KRT222: variants seen among roughly 807,000 people sequenced by gnomAD.
KRT222 encodes the protein keratin-like protein KRT222.
Under a neutral mutation model 35.0 loss-of-function variants are expected in KRT222, and 23 were observed. That is an observed-to-expected ratio of 0.66 (90% CI 0.47 to 0.93). KRT222 has a LOEUF of 0.93. Ranked by LOEUF, KRT222 falls within the 40% of genes least tolerant of loss-of-function variation. KRT222 has a pLI of 0.00. For missense variants in KRT222, 339 were observed against 346.3 expected (o/e 0.98, Z 0.17); for synonymous variants, 108 against 118.8 (o/e 0.91, Z 0.59).
intron 3 of KRT222, among the ~76,000 whole-genome samples, chr17:40,658,856 A>G (rs2037361967): frequency 1.3e-5 from 2 of 152,240 alleles, no homozygotes; most frequent in Non-Finnish European, 2.9e-5. Context: ...ATTATGATGT[A>G]TGAATTAACA....
Position 40,657,189 on chromosome 17 carries a change from C to T in KRT222, c.659+163G>A, listed in dbSNP as rs571257102. On this transcript the variant is annotated intron_variant, in intron 5 of 5. Transcript: ENST00000394052. ...ATCGCGCCACTGCACTCCACCCTGG[C>T]GACAGAGCAAGACTCAATCTCAAAA... is the stretch of plus-strand genomic sequence containing the variant. The T allele has an allele frequency of 1.3e-3, 559 of 441,136 alleles. 3 individuals are homozygous for T. Among genetic ancestry groups the T allele is most frequent in the African/African-American group, 0.012 (504 of 43,408 alleles). The allele number at this position is 441,136 out of a possible 1,614,324, so 27.3% of individuals were successfully genotyped here.
rs776697148 is a variant in KRT222 at position 40,659,281 on chromosome 17, G to A, written c.446+706C>T. 3.4e-4 allele frequency among the ~76,000 whole-genome samples: 52 copies of A among 151,266 alleles called. 1 individual carries two copies. The highest frequency in any genetic ancestry group is 6.9e-4 in the Non-Finnish European group (47 of 67,780). ...GGCGAGTCTCCTGTCTCAGCCTCCC[G>A]AGTAGCTGGGATTACAGGCATGCAC... On this transcript the variant is annotated intron_variant, in intron 3 of 5. Transcript: ENST00000394052.
In KRT222 at chr17:40,664,091, T is replaced by A. The variant is rs1017015769; in HGVS notation, c.96+913A>T. 7.6e-4 allele frequency among the ~76,000 whole-genome samples: 116 copies of A among 151,924 alleles called. 1 individual carries two copies. Among genetic ancestry groups the A allele is most frequent in the Non-Finnish European group, 1.1e-3 (78 of 67,900 alleles). ...ACATTTTTCTACCAATTTTTTTTTT[T>A]AAAATTTTGGGTGATATTCTTAAGT... On this transcript the variant is annotated intron_variant, in intron 1 of 5. Transcript: ENST00000394052.
At chr17:40,657,634 C>T (rs1455225040) in intron 4 of KRT222, 40 bp downstream of exon 4, 1 of 1,548,570 alleles carries the variant, frequency 6.5e-7, no homozygotes, top group Admixed American at 1.7e-5. Flanking sequence ...GTAAATAGTA[C>T]ATCACTTTTC....
chr17:40,657,125 T>C (rs2037350232), intron 5 of KRT222: 1 of 261,466 alleles, frequency 3.8e-6, no homozygotes, highest in Non-Finnish European at 7.1e-6. Context: ...GGCAGAAGAA[T>C]TGCTTGAACC....
intron 3 of KRT222, among the ~76,000 whole-genome samples, chr17:40,658,822 A>G (rs1157863971): frequency 6.6e-6 from 1 of 152,256 alleles, no homozygotes; most frequent in Non-Finnish European, 1.5e-5. Context: ...GCTCAAAGCA[A>G]TATGACCTTA....
At chr17:40,656,697 A>G (rs144573814) in intron 5 of KRT222, 67 bp from the exon 6 acceptor site, 1 of 792,104 alleles carries the variant, frequency 1.3e-6, no homozygotes, top group East Asian at 2.7e-5. Flanking sequence ...TGTATTATAT[A>G]TTTCATATCT....
At chr17:40,659,616 G>C (rs1468678016) in intron 3 of KRT222, among the ~76,000 whole-genome samples, 1 of 151,976 alleles carries the variant, frequency 6.6e-6, no homozygotes, top group Non-Finnish European at 1.5e-5. Flanking sequence ...TACAGATGAG[G>C]TCTCACTATA....
chr17:40,661,919 A>C lies in KRT222; in HGVS notation c.222T>G (p.Ala74=). 1 of 1,614,020 alleles carries C rather than the reference A, an allele frequency of 6.2e-7. No homozygotes were observed. Among genetic ancestry groups the C allele is most frequent in the Non-Finnish European group, 8.5e-7 (1 of 1,179,948 alleles). The change falls in exon 2 of 6, where the codon GCT becomes GCG. Residue 74 remains alanine, a synonymous_variant. Coordinates refer to ENST00000394052, the MANE Select transcript of KRT222 (RefSeq NM_152349.3). ...TTACTTTTGGGATCATTCTCACCAC[A>C]GCATGGAGAGATTCAATTTCCACTT... ...HLQVEIESLH[A]VERGLENSLH... is the part of the protein sequence containing the mutation.
Position 40,660,095 on chromosome 17 carries a change from C to T in KRT222, c.338G>A (p.Arg113His), listed in dbSNP as rs1207510375. 3.7e-6 allele frequency: 6 copies of T among 1,614,016 alleles called. No homozygotes were observed. Among genetic ancestry groups the T allele is most frequent in the African/African-American group, 1.3e-5 (1 of 74,912 alleles). The change falls in exon 3 of 6, where the codon CGC (arginine) becomes CAC (histidine). Residue 113 changes from arginine to histidine, a missense_variant. Arg to His is a conservative substitution (Grantham distance 29). Coordinates refer to ENST00000394052, the MANE Select transcript of KRT222 (RefSeq NM_152349.3). ...CTCTTGAAGCTGCTTTTCGATGCCG[C>T]GCCTTACTTCCTGTAGCTCTTTTTC... is the stretch of plus-strand genomic sequence containing the variant. ...GLEKELQEVR[R>H]GIEKQLQEHE...
chr17:40,662,019 AT>A lies in KRT222; in HGVS notation c.121del (p.Met41TrpfsTer8). 6.2e-7 allele frequency: 1 copy of A among 1,613,886 alleles called. No homozygotes were observed. Among genetic ancestry groups the A allele is most frequent in the Non-Finnish European group, 8.5e-7 (1 of 1,179,950 alleles). On this transcript the variant is annotated frameshift_variant, in exon 2 of 6. Transcript: ENST00000394052. LOFTEE classifies it high-confidence loss of function. ...IQLEEDISKKMDKDEEALKAA... is the reference protein window; with the variant it reads ...IQLEEDISKKXDKDEEALKAA... ...CTTCAAAGCCTCTTCATCTTTGTCC[AT>A]TTTTTTGCTTATGTCTTCTTCTAGC...
At position 40,665,032 on chromosome 17, in the gene KRT222, A is replaced by G; in HGVS notation, c.68T>C (p.Ile23Thr). 1.2e-6 allele frequency: 2 copies of G among 1,614,036 alleles called. No individual in the cohort carries two copies. Among genetic ancestry groups the G allele is most frequent in the South Asian group, 1.1e-5 (1 of 91,080 alleles). Residue 23 changes from isoleucine to threonine, a missense_variant, in exon 1 of 6, where the codon ATA becomes ACA. Ile to Thr is a moderately conservative substitution (Grantham distance 89). Transcript: ENST00000394052. ...NYEKILTRNQ[I>T]ETVLSTRIQL... is the part of the protein sequence containing the mutation. ...GATCCTTGTTGAGAGCACCGTCTCT[A>G]TCTGATTTCTGGTGAGGATCTTTTC...
intron 3 of KRT222, 83 bp from the exon 4 acceptor site, chr17:40,657,833 T>C (rs1390974993): frequency 1.1e-6 from 1 of 910,306 alleles, no homozygotes; most frequent in East Asian, 2.4e-5. Flanking sequence ...ATAAATCGTA[T>C]ATTCACGCAA....
chr17:40,661,804 G>T (rs2037385418), intron 2 of KRT222, 112 bp downstream of exon 2: 1 of 1,322,394 alleles, frequency 7.6e-7, no homozygotes, highest in Non-Finnish European at 1.0e-6. Flanking sequence ...GAATTCAGTG[G>T]CCTTGATTTC....
At chr17:40,656,723 A>C in intron 5 of KRT222, 93 bp from the exon 6 acceptor site, 1 of 643,622 alleles carries the variant, frequency 1.6e-6, no homozygotes, top group African/African-American at 1.8e-5. Flanking sequence ...AAAATCAAGA[A>C]ATTTGTATAA....
Position 40,657,299 on chromosome 17 carries a change from A to C in KRT222, c.659+53T>G, listed in dbSNP as rs535987734. 4.8e-6 allele frequency: 6 copies of C among 1,263,146 alleles called. No homozygotes were observed. In the Admixed American group the frequency reaches 1.7e-4, roughly 36 times the overall value. The allele number at this position is 1,263,146 out of a possible 1,614,324, so 78.2% of individuals were successfully genotyped here. On this transcript the variant is annotated intron_variant, in intron 5 of 5. Coordinates refer to ENST00000394052, the MANE Select transcript of KRT222 (RefSeq NM_152349.3). Reference sequence around the variant, plus strand: ...GTAATTACTGGGATTACGCAAAGTTAATTTCTTTACATATATTTATTATTA... The same window carrying C: ...GTAATTACTGGGATTACGCAAAGTTCATTTCTTTACATATATTTATTATTA...
Position 40,656,152 on chromosome 17 carries a change from G to A in KRT222, c.*250C>T, listed in dbSNP as rs1163710411. On this transcript the variant is annotated 3_prime_UTR_variant, in exon 6 of 6. Coordinates refer to ENST00000394052, the MANE Select transcript of KRT222 (RefSeq NM_152349.3). ...ACTATTGGGAGAATATAAAGAAAGA[G>A]ACTGTACTGGATTTGTGATTTTATT... The A allele has an allele frequency of 8.9e-6, 3 of 335,704 alleles. No homozygotes were observed. Among genetic ancestry groups the A allele is most frequent in the Non-Finnish European group, 1.1e-5 (2 of 187,658 alleles). The allele number at this position is 335,704 out of a possible 1,614,324, so 20.8% of individuals were successfully genotyped here.
chr17:40,664,954 A>G (rs776833072), intron 1 of KRT222, 50 bp downstream of exon 1: 3 of 1,612,604 alleles, frequency 1.9e-6, no homozygotes, highest in Non-Finnish European at 2.5e-6. Context: ...TTGGGTAGAC[A>G]TGGACTGTCT....
At chr17:40,657,887 C>T (rs750146593) in intron 3 of KRT222, 137 bp from the exon 4 acceptor site, 210 of 590,388 alleles carry the variant, frequency 3.6e-4, no homozygotes, top group Non-Finnish European at 5.2e-4. Context: ...AAGGCTTCAC[C>T]GTATCTTTAT....
Sources: allele counts gnomAD v4.1 joint callset (sites outside exome capture counted in the v4.1 genomes callset), GRCh38; gene constraint gnomAD v4.1.1; transcripts MANE v1.5; gene names NCBI Gene and HGNC (gene_info 2026-07-23, HGNC 2026-07-21).